TNFSF4: variants seen among roughly 807,000 people sequenced by gnomAD.
TNFSF4 encodes the protein TNF superfamily member 4, also known as tumor necrosis factor ligand superfamily member 4.
A neutral mutation model predicts 7.3 loss-of-function variants in TNFSF4; 4 were observed. The observed-to-expected ratio is 0.55, with a 90% CI of 0.27 to 1.25. The LOEUF (loss-of-function observed/expected upper bound fraction) is 1.25, where lower values mean the gene tolerates loss of function less well. Among genes scored for constraint, TNFSF4 ranks in the 50% most tolerant of loss-of-function variants. The probability of loss-of-function intolerance (pLI) is 0.12; values close to 1 mark genes in which losing one functional copy is unlikely to be tolerated. For synonymous variants in TNFSF4, 76 were observed against 83.7 expected, an observed-to-expected ratio of 0.91 and a Z score of 0.50; for missense variants, 181 against 208.8, an observed-to-expected ratio of 0.87 and a Z score of 0.82.
chr1:173,352,030 T>C, the TNFSF4 span: 4 of 369,214 alleles, frequency 1.1e-5, no homozygotes, highest in African/African-American at 6.3e-5. Flanking sequence ...ATATACAAGT[T>C]TTGATTAAAA....
the TNFSF4 span, among the ~76,000 whole-genome samples, chr1:173,229,744 C>T: frequency 7.0e-6 from 1 of 143,678 alleles, no homozygotes; most frequent in African/African-American, 2.5e-5. Flanking sequence ...GAAGATCTAC[C>T]AAGCAAATGG....
At chr1:173,205,695 TC>T (rs1650157752) in intron 1 of TNFSF4, 2 of 640,192 alleles carry the variant, frequency 3.1e-6, no homozygotes. Flanking sequence ...AGAGCCTAAT[TC>T]CGGTTGATGT....
At chr1:173,402,873 A>G in the TNFSF4 span, among the ~76,000 whole-genome samples, 9 of 149,800 alleles carry the variant, frequency 6.0e-5, no homozygotes, top group Non-Finnish European at 1.3e-4. Context: ...TTTCTTTTTG[A>G]GACAGGGTCT....
At chr1:173,404,014 A>G in the TNFSF4 span, among the ~76,000 whole-genome samples, 2 of 152,232 alleles carry the variant, frequency 1.3e-5, no homozygotes, top group Admixed American at 1.3e-4. Flanking sequence ...AGACCTGAAA[A>G]TCTATTGGAG....
the TNFSF4 span, among the ~76,000 whole-genome samples, chr1:173,382,807 T>C: frequency 6.6e-6 from 1 of 151,926 alleles, no homozygotes; most frequent in Non-Finnish European, 1.5e-5. Flanking sequence ...TCCTTCATGA[T>C]TGCAATAGCT....
the TNFSF4 span, among the ~76,000 whole-genome samples, chr1:173,360,452 A>G: frequency 2.0e-5 from 3 of 152,220 alleles, no homozygotes; most frequent in African/African-American, 4.8e-5. Context: ...TTTGAAGATC[A>G]AAGACTGCCT....
the TNFSF4 span, among the ~76,000 whole-genome samples, chr1:173,395,037 T>TAATAGATA: frequency 1.1e-5 from 1 of 94,068 alleles, no homozygotes; most frequent in African/African-American, 4.2e-5. Context: ...GATAGATAGA[T>TAATAGATA]GATAGATAGA....
chr1:173,431,711 T>A, the TNFSF4 span, among the ~76,000 whole-genome samples: 11 of 152,330 alleles, frequency 7.2e-5, 1 homozygote, highest in South Asian at 6.2e-4. Context: ...CATTTCAGGG[T>A]CTCGCAAGGC....
chr1:173,397,237 C>A, the TNFSF4 span, among the ~76,000 whole-genome samples: 1 of 152,196 alleles, frequency 6.6e-6, no homozygotes, highest in African/African-American at 2.4e-5. Flanking sequence ...GAGAGCCAAA[C>A]CCCTTCAATC....
chr1:173,214,386 A>T, the TNFSF4 span, among the ~76,000 whole-genome samples: 1 of 152,222 alleles, frequency 6.6e-6, no homozygotes, highest in Admixed American at 6.5e-5. Flanking sequence ...TCTGGCCTAG[A>T]TGCCCAGTAA....
At chr1:173,293,608 A>T in the TNFSF4 span, among the ~76,000 whole-genome samples, 1 of 152,162 alleles carries the variant, frequency 6.6e-6, no homozygotes, top group African/African-American at 2.4e-5. Context: ...AAAAATGAAA[A>T]TTGACACATG....
chr1:173,274,174 T>A, the TNFSF4 span, among the ~76,000 whole-genome samples: 1 of 141,012 alleles, frequency 7.1e-6, no homozygotes, highest in African/African-American at 2.6e-5. Flanking sequence ...ACATATAGTT[T>A]CTGTATTTTT....
At chr1:173,277,586 C>T in the TNFSF4 span, among the ~76,000 whole-genome samples, 3 of 152,190 alleles carry the variant, frequency 2.0e-5, no homozygotes, top group South Asian at 4.1e-4. Flanking sequence ...ATAGTTTTTA[C>T]CAGGTGTGAC....
the TNFSF4 span, among the ~76,000 whole-genome samples, chr1:173,446,175 A>T: frequency 1.3e-5 from 2 of 152,154 alleles, no homozygotes; most frequent in African/African-American, 2.4e-5. Context: ...ATTTTAAGGC[A>T]ACTATCGTAA....
chr1:173,216,423 T>G, the TNFSF4 span, among the ~76,000 whole-genome samples: 1 of 152,268 alleles, frequency 6.6e-6, no homozygotes, highest in African/African-American at 2.4e-5. Flanking sequence ...GCCACCACAT[T>G]CCTTCCCCCA....
At chr1:173,220,617 GGT>G in the TNFSF4 span, among the ~76,000 whole-genome samples, 5 of 152,098 alleles carry the variant, frequency 3.3e-5, no homozygotes, top group Non-Finnish European at 5.9e-5. Flanking sequence ...TGAGGGTGGG[GGT>G]GCCATGATGA....
At chr1:173,407,389 G>A in the TNFSF4 span, among the ~76,000 whole-genome samples, 7 of 151,754 alleles carry the variant, frequency 4.6e-5, no homozygotes, top group Non-Finnish European at 7.4e-5. Context: ...ACGAAACCCC[G>A]TCTCCATAAA....
At chr1:173,280,934 T>C in the TNFSF4 span, among the ~76,000 whole-genome samples, 3,977 of 152,260 alleles carry the variant, frequency 0.026, 167 homozygotes, top group African/African-American at 0.091. Context: ...TTTCCAATTT[T>C]GTAAGGGTAC....
the TNFSF4 span, among the ~76,000 whole-genome samples, chr1:173,425,940 C>G: frequency 1.3e-5 from 2 of 152,218 alleles, no homozygotes; most frequent in Non-Finnish European, 2.9e-5. Flanking sequence ...AACTCTTTCT[C>G]TCCCCTGTTG....
Sources: gnomAD v4.1 joint callset for allele counts (sites outside exome capture counted in the v4.1 genomes callset) on GRCh38, gnomAD v4.1.1 for gene constraint, MANE v1.5 for transcripts, NCBI Gene and HGNC (gene_info 2026-07-23, HGNC 2026-07-21) for gene names.